PLEKHM3: variants seen among roughly 807,000 people sequenced by gnomAD.
The protein encoded by PLEKHM3 is pleckstrin homology domain-containing family M member 3.
A neutral mutation model predicts 81.8 loss-of-function variants in PLEKHM3; 45 were observed. That is an observed-to-expected ratio of 0.55 (90% CI 0.43 to 0.71). PLEKHM3 has a LOEUF of 0.71. Ranked by LOEUF, PLEKHM3 falls within the 30% of genes least tolerant of loss-of-function variation. The pLI is 0.00. For synonymous variants in PLEKHM3, 352 were observed against 356.4 expected (o/e 0.99, Z 0.14); for missense variants, 788 against 924.3 (o/e 0.85, Z 1.91).
chr2:207,860,809 C>T (rs893259399), intron 7 of PLEKHM3, among the ~76,000 whole-genome samples: 1 of 152,156 alleles, frequency 6.6e-6, no homozygotes, highest in Admixed American at 6.5e-5. Context: ...AAGATGCTTC[C>T]TCCCCAGTCT....
At chr2:208,011,238 G>T (rs1053270917) in intron 1 of PLEKHM3, among the ~76,000 whole-genome samples, 1 of 151,992 alleles carries the variant, frequency 6.6e-6, no homozygotes, top group African/African-American at 2.4e-5. Flanking sequence ...CCACTACTAG[G>T]TATCTACCCA....
intron 1 of PLEKHM3, among the ~76,000 whole-genome samples, chr2:208,014,612 C>A (rs1692817322): frequency 6.6e-6 from 1 of 152,262 alleles, no homozygotes; most frequent in South Asian, 2.1e-4. Context: ...CCACTGCACT[C>A]TGGCCTGGGC....
intron 2 of PLEKHM3, among the ~76,000 whole-genome samples, chr2:207,997,320 C>T (rs1014933005): frequency 2.6e-5 from 4 of 152,110 alleles, no homozygotes; most frequent in Admixed American, 6.6e-5. Flanking sequence ...CCAATTGAGA[C>T]AGAAGACGCA....
chr2:207,957,611 T>C (rs1690560668), intron 3 of PLEKHM3, among the ~76,000 whole-genome samples: 1 of 152,118 alleles, frequency 6.6e-6, no homozygotes, highest in Non-Finnish European at 1.5e-5. Context: ...GGCAGGAGAA[T>C]TGCTTGAACC....
chr2:207,846,490 A>G (rs906347024), intron 7 of PLEKHM3, among the ~76,000 whole-genome samples: 84 of 151,832 alleles, frequency 5.5e-4, no homozygotes, highest in African/African-American at 2.0e-3. Flanking sequence ...ATGGATCTTA[A>G]TGATTTTAGA....
intron 2 of PLEKHM3, among the ~76,000 whole-genome samples, chr2:207,991,328 T>C (rs1691894475): frequency 6.6e-6 from 1 of 152,180 alleles, no homozygotes; most frequent in Non-Finnish European, 1.5e-5. Context: ...TACAGAATTA[T>C]AGAGACTTAG....
intron 7 of PLEKHM3, chr2:207,851,230 G>A (rs2063303): frequency 0.61 from 91,059 of 149,710 alleles, 27,986 homozygotes; most frequent in Middle Eastern, 0.64. Context: ...CGTCATTTCT[G>A]TTTTTTTAGG....
intron 7 of PLEKHM3, among the ~76,000 whole-genome samples, chr2:207,840,775 T>G (rs2092345782): frequency 2.0e-5 from 3 of 151,558 alleles, no homozygotes. Context: ...ACCTATAGAA[T>G]TTTAAGCATT....
chr2:207,885,525 G>A (rs1307845131), intron 6 of PLEKHM3, among the ~76,000 whole-genome samples: 1 of 152,122 alleles, frequency 6.6e-6, no homozygotes, highest in Non-Finnish European at 1.5e-5. Context: ...AGAAATGATG[G>A]CCTTTTAAAA....
At position 207,962,758 on chromosome 2, in the gene PLEKHM3, T is replaced by C. The variant is rs547452213; in HGVS notation, c.1546+13893A>G. Among the ~76,000 whole-genome samples, 6 of 152,200 alleles carry C rather than the reference T, an allele frequency of 3.9e-5. No individual in the cohort carries two copies. The South Asian group carries it at 1.0e-3, about 26-fold the overall frequency. On this transcript the variant is annotated intron_variant, in intron 3 of 7. Coordinates refer to ENST00000427836, the MANE Select transcript of PLEKHM3 (RefSeq NM_001080475.3). ...AAACAGATTATGTGCAAATAAACCG[T>C]GCAAATAAACTGACAGTGCAGTGCC...
At chr2:207,851,740 C>CAAAAAAAAAAAAAAAAAAAAAAAAAAA (rs10605219) in intron 7 of PLEKHM3, 1 of 64,306 alleles carries the variant, frequency 1.6e-5, no homozygotes, top group African/African-American at 6.2e-5. Flanking sequence ...AACTCCATCT[C>CAAAAAAAAAAAAAAAAAAAAAAAAAAA]AAAAAAAAAA....
intron 7 of PLEKHM3, among the ~76,000 whole-genome samples, chr2:207,849,310 G>C (rs552842365): frequency 6.6e-6 from 1 of 152,148 alleles, no homozygotes; most frequent in African/African-American, 2.4e-5. Flanking sequence ...CTCCAGCCTG[G>C]GCCACAGAGC....
At chr2:207,933,864 C>A (rs1689666745) in intron 4 of PLEKHM3, among the ~76,000 whole-genome samples, 1 of 152,196 alleles carries the variant, frequency 6.6e-6, no homozygotes, top group African/African-American at 2.4e-5. Flanking sequence ...AGTACATGAA[C>A]AAATCCCCAC....
rs191567576 is a variant in PLEKHM3 at position 207,921,247 on chromosome 2, C to T, written c.1886+9679G>A. Among the ~76,000 whole-genome samples, 412 of 152,268 alleles carry T rather than the reference C, an allele frequency of 2.7e-3. 7 individuals are homozygous for T. Among genetic ancestry groups the T allele is most frequent in the Non-Finnish European group, 9.8e-4 (67 of 68,032 alleles). ...TATTTTTCGCAGAGACGGGGTTTCA[C>T]CATGTTGGCCAGGATGTTCTCAATC... On this transcript the variant is annotated intron_variant, in intron 5 of 7. Coordinates refer to ENST00000427836, the MANE Select transcript of PLEKHM3 (RefSeq NM_001080475.3).
chr2:207,921,055 C>A (rs532992977), intron 5 of PLEKHM3, among the ~76,000 whole-genome samples: 19 of 152,030 alleles, frequency 1.2e-4, no homozygotes, highest in African/African-American at 4.6e-4. Flanking sequence ...CCCTCCCTTC[C>A]TTCCTACTTT....
At position 208,001,583 on chromosome 2, in the gene PLEKHM3, G is replaced by A. The variant is rs747453666; in HGVS notation, c.57C>T (p.Phe19=). ...CTAGATTACTATCCAAAGTACTAAA[G>A]AATTCCTCCGTAACTTCTAAGGCTG... The part of the protein sequence containing the change: ...ISPALEVTEE[F]FSTLDSNLEK... Residue 19 remains phenylalanine (F), a synonymous_variant, in exon 2 of 8, where the codon TTC becomes TTT. Coordinates refer to ENST00000427836, the MANE Select transcript of PLEKHM3 (RefSeq NM_001080475.3). 2 of 1,614,160 alleles carry A rather than the reference G, an allele frequency of 1.2e-6. No homozygotes were observed.
intron 7 of PLEKHM3, among the ~76,000 whole-genome samples, chr2:207,835,406 C>T (rs1163243045): frequency 6.6e-6 from 1 of 152,190 alleles, no homozygotes; most frequent in Non-Finnish European, 1.5e-5. Flanking sequence ...CTAAATCTCA[C>T]TCTCCACAGA....
intron 1 of PLEKHM3, among the ~76,000 whole-genome samples, chr2:208,022,593 G>T (rs1454568515): frequency 6.6e-6 from 1 of 152,072 alleles, no homozygotes. Flanking sequence ...GCAACTCTAG[G>T]CCTCCAGCAC....
At chr2:207,940,804 A>T (rs1257098638) in intron 4 of PLEKHM3, among the ~76,000 whole-genome samples, 2 of 152,244 alleles carry the variant, frequency 1.3e-5, no homozygotes, top group Non-Finnish European at 2.9e-5. Context: ...GCTCTCAAAG[A>T]ATAAGCAAGG....
Sources: allele counts gnomAD v4.1 joint callset (sites outside exome capture counted in the v4.1 genomes callset), GRCh38; gene constraint gnomAD v4.1.1; transcripts MANE v1.5; gene names NCBI Gene and HGNC (gene_info 2026-07-23, HGNC 2026-07-21).